Variants in RGS12 observed in about 807,000 individuals in gnomAD.
RGS12 encodes the protein regulator of G-protein signaling 12.
In RGS12, 66 loss-of-function variants were observed where a neutral mutation model predicts 120.1. That is an observed-to-expected ratio of 0.55 (90% CI 0.45 to 0.67). The LOEUF (loss-of-function observed/expected upper bound fraction) is 0.67, where lower values mean the gene tolerates loss of function less well. RGS12 is among the 30% of genes least tolerant of loss of function. The pLI is 0.00. For synonymous variants in RGS12, 827 were observed against 804.7 expected (o/e 1.03, Z -0.47); for missense variants, 1,859 against 1,957.7 (o/e 0.95, Z 0.95).
At chr4:3,428,459 T>C in intron 15 of RGS12, 99 bp from the exon 16 acceptor site, 2 of 1,066,716 alleles carry the variant, frequency 1.9e-6, no homozygotes, top group Non-Finnish European at 2.8e-6. Context: ...TCTGTATCAA[T>C]GCAATCTATT....
chr4:3,365,185 G>A lies in RGS12; in HGVS notation c.1999-21231G>A, dbSNP rs1472326958. On this transcript the variant is annotated intron_variant, in intron 3 of 17. Transcript: ENST00000336727. This position sits in a 1 kb window ranked among gnomAD's most constrained non-coding sequence, Gnocchi z 4.0. The stretch of plus-strand genomic sequence containing the variant: ...GAGGGGATGTTCAGGGCCAGGGATG[G>A]CAGACCGCAGTCCCCGGCCAGATCC... 6.6e-6 allele frequency among the ~76,000 whole-genome samples: 1 copy of A among 152,198 alleles called. No individual in the cohort carries two copies. Among genetic ancestry groups the A allele is most frequent in the African/African-American group, 2.4e-5 (1 of 41,442 alleles).
intron 6 of RGS12, 87 bp downstream of exon 6, chr4:3,414,931 G>A (rs1577072527): frequency 1.1e-6 from 1 of 947,732 alleles, no homozygotes; most frequent in Non-Finnish European, 1.7e-6. Context: ...GGCCACGTGT[G>A]TGAGGGGCAT....
chr4:3,294,391 C>A (rs773378312), intron 1 of RGS12, among the ~76,000 whole-genome samples: 6 of 152,180 alleles, frequency 3.9e-5, no homozygotes, highest in East Asian at 1.9e-4. Flanking sequence ...CTAGAGAAGG[C>A]GACGTGGGGA....
Position 3,430,462 on chromosome 4 carries a change from G to A in RGS12, c.3621G>A (p.Gly1207=), listed in dbSNP as rs778702931. ...AQSNRADDQR[G]LLRKEDLVLP... ...GCAACAGAGCAGATGACCAACGTGG[G>A]CTGCTAAGGAAGGAAGACCTGGTGT... The change falls in exon 17 of 18, where the codon GGG becomes GGA. Residue 1207 remains glycine, a synonymous_variant. Coordinates refer to ENST00000336727, the MANE Select transcript of RGS12 (RefSeq NM_001394154.1). The A allele has an allele frequency of 4.3e-6, 7 of 1,613,762 alleles. No individual in the cohort carries two copies. The highest frequency in any genetic ancestry group is 1.7e-5 in the Admixed American group (1 of 60,006).
At position 3,431,057 on chromosome 4, in the gene RGS12, G is replaced by T. The variant is rs549822033; in HGVS notation, c.4114+102G>T. ...GGCCCCCGGCTGCCACTGTTTGCTG[G>T]TGGTCTCCGTGACCCCCTCCTCACC... is the stretch of plus-strand genomic sequence containing the variant. On this transcript the variant is annotated intron_variant, in intron 17 of 17. Coordinates refer to ENST00000336727, the MANE Select transcript of RGS12 (RefSeq NM_001394154.1). 8.8e-5 allele frequency: 131 copies of T among 1,492,028 alleles called. 1 individual carries two copies. The South Asian group carries it at 1.5e-3, about 18-fold the overall frequency. 92.4% of individuals were successfully genotyped at this position (1,492,028 alleles called of 1,614,324 possible).
chr4:3,299,287 C>T (rs1159608853), intron 1 of RGS12, among the ~76,000 whole-genome samples: 1 of 152,098 alleles, frequency 6.6e-6, no homozygotes, highest in African/African-American at 2.4e-5. Context: ...CAGTGACCTC[C>T]TTTCTGAGAT....
intron 1 of RGS12, among the ~76,000 whole-genome samples, chr4:3,313,495 C>T (rs962969409): frequency 2.0e-5 from 3 of 152,186 alleles, no homozygotes; most frequent in African/African-American, 7.2e-5. Context: ...AGTGATTCCC[C>T]CTTGTATTTG....
intron 1 of RGS12, among the ~76,000 whole-genome samples, chr4:3,309,116 G>A (rs1239136561): frequency 2.8e-5 from 3 of 107,974 alleles, no homozygotes; most frequent in Non-Finnish European, 3.9e-5. Context: ...ACCGTGTTGA[G>A]GAGGAGCTGG....
intron 2 of RGS12, among the ~76,000 whole-genome samples, chr4:3,318,476 A>G (rs1724958784): frequency 6.6e-6 from 1 of 152,182 alleles, no homozygotes; most frequent in African/African-American, 2.4e-5. Flanking sequence ...TGAGGCGAGA[A>G]TATTCTTGAA....
chr4:3,431,165 C>T lies in RGS12; in HGVS notation c.4114+210C>T, dbSNP rs1017113971. Reference sequence around the variant, plus strand: ...CCAGTGTCTGTCAGGATGGTCCCCCCGAGGCGCTCTGGGCAGGCATCCTGG... The same window carrying T: ...CCAGTGTCTGTCAGGATGGTCCCCCTGAGGCGCTCTGGGCAGGCATCCTGG... On this transcript the variant is annotated intron_variant, in intron 17 of 17. Transcript: ENST00000336727. 1.8e-5 allele frequency: 26 copies of T among 1,413,330 alleles called. No homozygotes were observed. The East Asian group carries it at 3.7e-4, about 20-fold the overall frequency. 87.5% of individuals were successfully genotyped at this position (1,413,330 alleles called of 1,614,324 possible).
chr4:3,364,345 C>A (rs1464182536), intron 3 of RGS12, among the ~76,000 whole-genome samples: 1 of 152,172 alleles, frequency 6.6e-6, no homozygotes, highest in Non-Finnish European at 1.5e-5. Flanking sequence ...TGCTGAGCTT[C>A]CTGGCACTGG....
chr4:3,374,076 C>A lies in RGS12; in HGVS notation c.1999-12340C>A, dbSNP rs1352574608. 1.3e-5 allele frequency among the ~76,000 whole-genome samples: 2 copies of A among 152,236 alleles called. No individual in the cohort carries two copies. The highest frequency in any genetic ancestry group is 4.8e-5 in the African/African-American group (2 of 41,466). ...GAGCCCGCTTGGCGAGGCCCTTGAG[C>A]ACTCAGCACCTTCTCCTACCATGTC... On this transcript the variant is annotated intron_variant, in intron 3 of 17. Transcript: ENST00000336727. The surrounding 1 kb of genome is among the most constrained non-coding windows in gnomAD (Gnocchi z 6.3).
intron 1 of RGS12, among the ~76,000 whole-genome samples, chr4:3,302,599 C>T (rs949240929): frequency 6.6e-6 from 1 of 152,320 alleles, no homozygotes; most frequent in South Asian, 2.1e-4. Flanking sequence ...GCCCCTTGCA[C>T]GGGGGCCTGT....
intron 10 of RGS12, among the ~76,000 whole-genome samples, chr4:3,421,106 A>C (rs1169222960): frequency 2.0e-5 from 3 of 152,050 alleles, no homozygotes; most frequent in Non-Finnish European, 4.4e-5. Flanking sequence ...TGAGCATCCC[A>C]CCCACTCCCA....
intron 3 of RGS12, among the ~76,000 whole-genome samples, chr4:3,361,621 G>T (rs372180589): frequency 6.6e-6 from 1 of 152,170 alleles, no homozygotes; most frequent in Non-Finnish European, 1.5e-5. Context: ...TAGCAGGAGC[G>T]AGGGAAGGCC....
intron 1 of RGS12, among the ~76,000 whole-genome samples, chr4:3,310,619 G>A (rs1724330677): frequency 6.6e-6 from 1 of 152,174 alleles, no homozygotes; most frequent in South Asian, 2.1e-4. Flanking sequence ...TGGATGCAGG[G>A]ATGGCCAGTG....
rs189404549 is a variant in RGS12 at position 3,422,700 on chromosome 4, G to A, written c.3033+130G>A. 1.6e-5 allele frequency: 18 copies of A among 1,157,490 alleles called. No individual in the cohort carries two copies. In the Middle Eastern group the frequency reaches 8.8e-4, roughly 56 times the overall value. The allele number at this position is 1,157,490 out of a possible 1,614,324, so 71.7% of individuals were successfully genotyped here. ...CATTTCAACAGCGCCTGGGGCGGAG[G>A]CCGGATTATCTGAACTGAGCTATCT... On this transcript the variant is annotated intron_variant, in intron 11 of 17. Transcript: ENST00000336727.
intron 3 of RGS12, among the ~76,000 whole-genome samples, chr4:3,349,577 CCT>C (rs1714161789): frequency 6.6e-6 from 1 of 151,780 alleles, no homozygotes. Flanking sequence ...CATTTTTATT[CCT>C]CTCATAATTT....
At chr4:3,326,274 T>C (rs985174704) in intron 2 of RGS12, among the ~76,000 whole-genome samples, 3 of 152,168 alleles carry the variant, frequency 2.0e-5, no homozygotes, top group Admixed American at 6.5e-5. Flanking sequence ...TGAGACAAAG[T>C]CTCGCTCTGT....
Sources: allele counts gnomAD v4.1 joint callset (sites outside exome capture counted in the v4.1 genomes callset), GRCh38; gene constraint gnomAD v4.1.1; non-coding constraint Gnocchi (gnomAD v3.1); transcripts MANE v1.5; gene names NCBI Gene and HGNC (gene_info 2026-07-23, HGNC 2026-07-21).